BCHE: variants seen among roughly 807,000 people sequenced by gnomAD.
BCHE encodes butyrylcholinesterase.
In BCHE, 48 loss-of-function variants were observed where a neutral mutation model predicts 51.3. The observed-to-expected ratio is 0.94, with a 90% CI of 0.74 to 1.19. BCHE has a LOEUF of 1.19. Among genes scored for constraint, BCHE ranks in the 50% most tolerant of loss-of-function variants. The pLI, the probability that BCHE is intolerant of heterozygous loss-of-function variation, is 0.00. For missense variants in BCHE, 847 were observed against 708.2 expected (o/e 1.20, Z -2.23); for synonymous variants, 251 against 238.0 (o/e 1.05, Z -0.50).
At chr3:165,786,598 C>T (rs1712964126) in intron 2 of BCHE, among the ~76,000 whole-genome samples, 1 of 151,646 alleles carries the variant, frequency 6.6e-6, no homozygotes. Flanking sequence ...TAAAATATAT[C>T]TTCATTCACA....
At chr3:165,810,920 A>T (rs1714068779) in intron 2 of BCHE, among the ~76,000 whole-genome samples, 1 of 152,162 alleles carries the variant, frequency 6.6e-6, no homozygotes, top group Non-Finnish European at 1.5e-5. Context: ...TTGGCTCAAG[A>T]TTAATATATA....
chr3:165,820,081 T>A (rs1285395273), intron 2 of BCHE, among the ~76,000 whole-genome samples: 1 of 152,158 alleles, frequency 6.6e-6, no homozygotes, highest in East Asian at 1.9e-4. Flanking sequence ...TTTTCCATGT[T>A]TTAATGAGCC....
At chr3:165,777,149 C>T (rs985370924) in intron 3 of BCHE, among the ~76,000 whole-genome samples, 5 of 151,680 alleles carry the variant, frequency 3.3e-5, no homozygotes, top group Admixed American at 6.6e-5. Context: ...TTACAATTCT[C>T]GTAACTATTT....
intron 3 of BCHE, among the ~76,000 whole-genome samples, chr3:165,779,618 A>G (rs77312782): frequency 1.3e-5 from 2 of 152,210 alleles, no homozygotes; most frequent in African/African-American, 2.4e-5. Flanking sequence ...CTATACACCA[A>G]TAATAGACAA....
At chr3:165,791,788 A>T (rs1713177391) in intron 2 of BCHE, among the ~76,000 whole-genome samples, 1 of 151,966 alleles carries the variant, frequency 6.6e-6, no homozygotes, top group Non-Finnish European at 1.5e-5. Flanking sequence ...CCCCGTCTCT[A>T]CTGAAAATAC....
At chr3:165,834,096 G>A (rs1560025034) in intron 1 of BCHE, among the ~76,000 whole-genome samples, 1 of 152,090 alleles carries the variant, frequency 6.6e-6, no homozygotes, top group East Asian at 1.9e-4. Flanking sequence ...TGCAAAGCAA[G>A]TACTATAGTT....
intron 2 of BCHE, among the ~76,000 whole-genome samples, chr3:165,825,527 A>C (rs1343608158): frequency 6.6e-6 from 1 of 152,072 alleles, no homozygotes; most frequent in African/African-American, 2.4e-5. Flanking sequence ...CTGGGAGAAA[A>C]TATTGAAAAT....
intron 3 of BCHE, among the ~76,000 whole-genome samples, chr3:165,775,824 T>C (rs183288915): frequency 5.3e-5 from 8 of 152,074 alleles, no homozygotes; most frequent in Admixed American, 5.2e-4. Context: ...TATTTCCTAA[T>C]GAAATCCAGA....
chr3:165,792,853 C>T (rs1407960761), intron 2 of BCHE, among the ~76,000 whole-genome samples: 1 of 152,138 alleles, frequency 6.6e-6, no homozygotes, highest in Non-Finnish European at 1.5e-5. Flanking sequence ...ATATCTTCCT[C>T]CAAAAACTGC....
chr3:165,824,385 T>G (rs1714643058), intron 2 of BCHE, among the ~76,000 whole-genome samples: 1 of 151,922 alleles, frequency 6.6e-6, no homozygotes. Flanking sequence ...TAATAAAGAC[T>G]CTCAAGAAAT....
At chr3:165,816,604 C>T (rs922347236) in intron 2 of BCHE, among the ~76,000 whole-genome samples, 47 of 152,120 alleles carry the variant, frequency 3.1e-4, no homozygotes, top group African/African-American at 1.1e-3. Context: ...TCTTTGCTAC[C>T]AATATGTCCA....
At chr3:165,800,616 A>T (rs1481330988) in intron 2 of BCHE, among the ~76,000 whole-genome samples, 1 of 152,152 alleles carries the variant, frequency 6.6e-6, no homozygotes, top group Non-Finnish European at 1.5e-5. Context: ...TATAGACCTC[A>T]AGACTAAAGA....
intron 2 of BCHE, among the ~76,000 whole-genome samples, chr3:165,786,873 A>C (rs1435908739): frequency 6.6e-6 from 1 of 151,806 alleles, no homozygotes; most frequent in African/African-American, 2.4e-5. Context: ...CTAATTAAAA[A>C]TCTTTCAATA....
intron 3 of BCHE, among the ~76,000 whole-genome samples, chr3:165,778,018 A>G (rs1391924071): frequency 2.0e-5 from 3 of 152,102 alleles, no homozygotes; most frequent in African/African-American, 7.2e-5. Flanking sequence ...TAGTCAACTT[A>G]ATCAGTAGTT....
At chr3:165,828,960 C>T (rs1714841496) in intron 2 of BCHE, among the ~76,000 whole-genome samples, 1 of 151,956 alleles carries the variant, frequency 6.6e-6, no homozygotes, top group African/African-American at 2.4e-5. Flanking sequence ...CAGGCTGCCT[C>T]AAATCTGATC....
rs71534242 is a variant in BCHE, at chr3:165,830,599, A to T, written c.435T>A (p.Gly145=). ...ATVLIWIYGG[G]FQTGTSSLHV... ...GTAAAGATGATGTTCCAGTTTGAAAACCACCACCATAAATCCATATCAATA... is the reference window on the plus strand; with the variant it reads ...GTAAAGATGATGTTCCAGTTTGAAATCCACCACCATAAATCCATATCAATA... The change falls in exon 2 of 4, where the codon GGT becomes GGA. Residue 145 remains glycine (G), a synonymous_variant. Transcript: ENST00000264381. 579 of 1,613,978 alleles carry T rather than the reference A, an allele frequency of 3.6e-4. 1 individual carries two copies. The highest frequency in any genetic ancestry group is 3.3e-3 in the Middle Eastern group (20 of 6,058).
chr3:165,805,439 A>G (rs912722838), intron 2 of BCHE, among the ~76,000 whole-genome samples: 1 of 151,002 alleles, frequency 6.6e-6, no homozygotes, highest in African/African-American at 2.4e-5. Context: ...ATTTCAGTAT[A>G]GGTTACTAAA....
At chr3:165,778,930 C>T (rs1712577048) in intron 3 of BCHE, among the ~76,000 whole-genome samples, 1 of 152,018 alleles carries the variant, frequency 6.6e-6, no homozygotes, top group Non-Finnish European at 1.5e-5. Flanking sequence ...TTTTCTCTTT[C>T]CATTTTTTAT....
At chr3:165,821,725 T>C (rs1231863644) in intron 2 of BCHE, among the ~76,000 whole-genome samples, 1 of 151,858 alleles carries the variant, frequency 6.6e-6, no homozygotes, top group African/African-American at 2.4e-5. Context: ...ATCTGTCAAA[T>C]CTGCAATTTC....
Sources: gnomAD v4.1 joint callset for allele counts (sites outside exome capture counted in the v4.1 genomes callset) on GRCh38, gnomAD v4.1.1 for gene constraint, MANE v1.5 for transcripts, NCBI Gene and HGNC (gene_info 2026-07-23, HGNC 2026-07-21) for gene names.